The following GRID2 variants were observed in gnomAD, a reference collection of about 807,000 sequenced individuals.
GRID2 encodes glutamate ionotropic receptor delta type subunit 2.
Under a neutral mutation model 114.8 loss-of-function variants are expected in GRID2, and 33 were observed. The ratio of observed to expected loss-of-function variants is 0.29; its 90% CI spans 0.22 to 0.38. The LOEUF (loss-of-function observed/expected upper bound fraction) is 0.38, where lower values mean the gene tolerates loss of function less well. Among genes scored for constraint, GRID2 ranks in the 10% least tolerant of loss-of-function variants. GRID2 has a pLI of 1.00. For synonymous variants in GRID2, 505 were observed against 449.9 expected (o/e 1.12, Z -1.55); for missense variants, 1,184 against 1,257.7 (o/e 0.94, Z 0.89).
chr4:93,554,947 C>T (rs897371577), intron 13 of GRID2, among the ~76,000 whole-genome samples: 2 of 152,076 alleles, frequency 1.3e-5, no homozygotes, highest in African/African-American at 2.4e-5. Context: ...GTGGGTCTAG[C>T]GTACAGAGTG....
intron 4 of GRID2, among the ~76,000 whole-genome samples, chr4:93,184,457 C>T: frequency 6.7e-6 from 1 of 150,220 alleles, no homozygotes; most frequent in Non-Finnish European, 1.5e-5. Context: ...TCATTCTGCT[C>T]CTCTCCTCTG....
rs1396133761 is a variant in GRID2, at chr4:92,809,221, T to C, written c.244+218935T>C. 4.6e-5 allele frequency among the ~76,000 whole-genome samples: 7 copies of C among 152,122 alleles called. No homozygotes were observed. In the East Asian group the frequency reaches 1.4e-3, roughly 30 times the overall value. ...TAAAACTAAAAAATCTTAGTTTTCA[T>C]GGCTAAAACTTTGAGCCACTTTGCA... On this transcript the variant is annotated intron_variant, in intron 2 of 15. Coordinates refer to ENST00000282020, the MANE Select transcript of GRID2 (RefSeq NM_001510.4).
At chr4:93,730,494 C>A (rs142535073) in intron 14 of GRID2, among the ~76,000 whole-genome samples, 10 of 152,184 alleles carry the variant, frequency 6.6e-5, no homozygotes, top group Admixed American at 5.9e-4. Flanking sequence ...GACAATCAAG[C>A]CTTTAATCTC....
chr4:93,357,222 T>G (rs575335279), intron 8 of GRID2, among the ~76,000 whole-genome samples: 27 of 143,256 alleles, frequency 1.9e-4, no homozygotes, highest in African/African-American at 7.5e-4. Context: ...CTTTTTAATT[T>G]TTACCAAACT....
chr4:93,741,754 T>C (rs2110256300), intron 14 of GRID2, among the ~76,000 whole-genome samples: 1 of 152,086 alleles, frequency 6.6e-6, no homozygotes, highest in Middle Eastern at 3.4e-3. Flanking sequence ...TGAAACCCCA[T>C]CACTACTAAA....
At chr4:93,362,715 A>T (rs1385661669) in intron 8 of GRID2, among the ~76,000 whole-genome samples, 2 of 151,996 alleles carry the variant, frequency 1.3e-5, no homozygotes, top group African/African-American at 4.8e-5. Flanking sequence ...GTTTTCTCTG[A>T]TCTTTCATTC....
intron 1 of GRID2, among the ~76,000 whole-genome samples, chr4:92,460,032 C>CTATATA (rs373743453): frequency 0.054 from 2,618 of 48,458 alleles, 611 homozygotes; most frequent in African/African-American, 0.23. Flanking sequence ...ATAAATCTCA[C>CTATATA]TATATATATA....
intron 3 of GRID2, among the ~76,000 whole-genome samples, chr4:93,105,454 G>A (rs1579001009): frequency 6.6e-6 from 1 of 152,222 alleles, no homozygotes; most frequent in East Asian, 1.9e-4. Flanking sequence ...TAACGTTTAA[G>A]TCTTTAATCC....
intron 3 of GRID2, among the ~76,000 whole-genome samples, chr4:93,108,813 T>A (rs1375400004): frequency 6.6e-6 from 1 of 151,996 alleles, no homozygotes. Flanking sequence ...GTATTTTTAG[T>A]AGAGATGGGG....
intron 14 of GRID2, among the ~76,000 whole-genome samples, chr4:93,700,074 G>A (rs1433920591): frequency 6.6e-6 from 1 of 152,042 alleles, no homozygotes; most frequent in African/African-American, 2.4e-5. Flanking sequence ...GATCAAATAT[G>A]CTATTTTTAA....
intron 1 of GRID2, among the ~76,000 whole-genome samples, chr4:92,533,330 T>G (rs1362283437): frequency 6.6e-6 from 1 of 151,878 alleles, no homozygotes; most frequent in African/African-American, 2.4e-5. Context: ...CTATAAAAGC[T>G]TTCATCTTTC....
intron 9 of GRID2, among the ~76,000 whole-genome samples, chr4:93,412,811 T>G (rs1767333524): frequency 6.6e-6 from 1 of 152,118 alleles, no homozygotes; most frequent in Non-Finnish European, 1.5e-5. Flanking sequence ...GTGTTCCCAT[T>G]GTTCAACTCC....
chr4:93,773,910 A>G lies in GRID2; in HGVS notation c.*1412A>G, dbSNP rs781777902. On this transcript the variant is annotated 3_prime_UTR_variant, in exon 16 of 16. Transcript: ENST00000282020. ...GTGCCTCTTTGTGCACAATCCTTTT[A>G]AAGTAGCATTCTTACTTGTTAGAAA... 11 of 152,126 alleles carry G rather than the reference A, an allele frequency of 7.2e-5. No homozygotes were observed. Among genetic ancestry groups the G allele is most frequent in the Non-Finnish European group, 1.0e-4 (7 of 67,972 alleles). The allele number at this position is 152,126 out of a possible 1,614,324, so 9.4% of individuals were successfully genotyped here. A position where few individuals can be genotyped will look rare whatever the true frequency, so the allele number is the denominator to read the frequency against.
intron 2 of GRID2, among the ~76,000 whole-genome samples, chr4:92,867,439 C>T (rs1359488579): frequency 6.6e-6 from 1 of 152,030 alleles, no homozygotes; most frequent in Non-Finnish European, 1.5e-5. Flanking sequence ...CAATTCTAAT[C>T]AGAGAAGACA....
chr4:92,577,862 G>A (rs1245610589), intron 1 of GRID2, among the ~76,000 whole-genome samples: 11 of 151,984 alleles, frequency 7.2e-5, no homozygotes, highest in Middle Eastern at 3.2e-3. Context: ...AGAAAATGAG[G>A]AGCTGATGAA....
chr4:93,589,977 T>C (rs1290964557), intron 13 of GRID2, among the ~76,000 whole-genome samples: 52 of 150,832 alleles, frequency 3.4e-4, no homozygotes, highest in African/African-American at 9.0e-4. Flanking sequence ...GAGTAGGTTG[T>C]GAAAATTTTC....
chr4:93,720,648 A>C (rs768110657), intron 14 of GRID2, among the ~76,000 whole-genome samples: 10 of 152,200 alleles, frequency 6.6e-5, no homozygotes, highest in Non-Finnish European at 1.5e-4. Flanking sequence ...CAAACTCCAA[A>C]CACCTTCTTT....
At chr4:92,394,826 T>C (rs1254311447) in intron 1 of GRID2, among the ~76,000 whole-genome samples, 1 of 151,830 alleles carries the variant, frequency 6.6e-6, no homozygotes, top group Non-Finnish European at 1.5e-5. Context: ...ACTTTTTTCC[T>C]ACATAAGTTA....
intron 2 of GRID2, among the ~76,000 whole-genome samples, chr4:93,002,651 A>G (rs1174136312): frequency 6.6e-6 from 1 of 151,840 alleles, no homozygotes; most frequent in African/African-American, 2.4e-5. Flanking sequence ...GGTACTTGAA[A>G]GTAGTCAAAT....
Sources: allele counts gnomAD v4.1 joint callset (sites outside exome capture counted in the v4.1 genomes callset), GRCh38; gene constraint gnomAD v4.1.1; transcripts MANE v1.5; gene names NCBI Gene and HGNC (gene_info 2026-07-23, HGNC 2026-07-21).